ATP9B: variants seen among roughly 807,000 people sequenced by gnomAD.
ATP9B encodes the protein ATPase phospholipid transporting 9B, also known as probable phospholipid-transporting ATPase IIB.
Under a neutral mutation model 146.1 loss-of-function variants are expected in ATP9B, and 110 were observed. The observed-to-expected ratio is 0.75, with a 90% CI of 0.65 to 0.88. The LOEUF (loss-of-function observed/expected upper bound fraction) is 0.88. ATP9B is among the 40% of genes least tolerant of loss of function. The pLI is 0.00. For missense variants in ATP9B, 1,499 were observed against 1,496.4 expected (o/e 1.00, Z -0.03); for synonymous variants, 604 against 569.7 (o/e 1.06, Z -0.86).
At chr18:79,346,220 G>A (rs1159196986) in intron 23 of ATP9B, among the ~76,000 whole-genome samples, 3 of 144,986 alleles carry the variant, frequency 2.1e-5, no homozygotes, top group East Asian at 2.1e-4. Context: ...CTCGGTCAGC[G>A]CACGTCAGCA....
chr18:79,216,108 A>C (rs997016591), intron 11 of ATP9B, among the ~76,000 whole-genome samples: 1 of 152,218 alleles, frequency 6.6e-6, no homozygotes, highest in Non-Finnish European at 1.5e-5. Context: ...TAAAATCTTT[A>C]AAGCTACACT....
At chr18:79,219,555 CAT>C (rs974828441) in intron 11 of ATP9B, among the ~76,000 whole-genome samples, 7 of 151,736 alleles carry the variant, frequency 4.6e-5, no homozygotes, top group Non-Finnish European at 8.8e-5. Context: ...AAAAGAAAAT[CAT>C]ATAGAATTAC....
At chr18:79,180,981 T>G (rs889185175) in intron 8 of ATP9B, among the ~76,000 whole-genome samples, 7 of 151,600 alleles carry the variant, frequency 4.6e-5, no homozygotes, top group Non-Finnish European at 4.4e-5. Context: ...TTTTGTTTTT[T>G]TTTTTTTTAA....
At chr18:79,096,705 A>G (rs2074812622) in intron 2 of ATP9B, 56 bp downstream of exon 2, 7 of 1,385,288 alleles carry the variant, frequency 5.1e-6, no homozygotes, top group Non-Finnish European at 6.9e-6. Flanking sequence ...TTATAAGGTT[A>G]GCTTCTAATA....
intron 8 of ATP9B, among the ~76,000 whole-genome samples, chr18:79,190,251 CTA>C (rs1422209870): frequency 6.6e-6 from 1 of 151,950 alleles, no homozygotes; most frequent in African/African-American, 2.4e-5. Flanking sequence ...ATATAATAGA[CTA>C]TGTCTACATA....
At chr18:79,366,627 C>T (rs144533807) in intron 26 of ATP9B, among the ~76,000 whole-genome samples, 136 of 152,310 alleles carry the variant, frequency 8.9e-4, no homozygotes, top group African/African-American at 2.8e-3. Flanking sequence ...GAAATAAACA[C>T]GGACATGTGT....
intron 1 of ATP9B, chr18:79,086,367 C>G (rs1488253116): frequency 8.1e-6 from 1 of 123,022 alleles, no homozygotes; most frequent in Non-Finnish European, 1.6e-5. Flanking sequence ...ACTTGGGAGG[C>G]AGAGGTTGCA....
chr18:79,204,780 C>G (rs1294858081), intron 9 of ATP9B, among the ~76,000 whole-genome samples: 1 of 152,226 alleles, frequency 6.6e-6, no homozygotes, highest in Admixed American at 6.5e-5. Flanking sequence ...TCCTTAAGAC[C>G]ATTGACATCA....
intron 1 of ATP9B, among the ~76,000 whole-genome samples, chr18:79,073,423 C>T (rs549729778): frequency 8.5e-5 from 13 of 152,300 alleles, no homozygotes; most frequent in African/African-American, 2.6e-4. Context: ...AGTCAGGAGC[C>T]GGAGACCAGC....
chr18:79,303,113 C>T lies in ATP9B; in HGVS notation c.1412-491C>T, dbSNP rs114006162. The stretch of plus-strand genomic sequence containing the variant: ...TAGAGGCTGCGTGTGCAGTGGCTCA[C>T]GTCTATAATCAGAACACTTTAGGAG... On this transcript the variant is annotated intron_variant, in intron 13 of 29. Transcript: ENST00000426216. Among the ~76,000 whole-genome samples the T allele has an allele frequency of 6.6e-3, 1,006 of 152,296 alleles. 6 individuals carry two copies. The highest frequency in any genetic ancestry group is 0.023 in the African/African-American group (938 of 41,554).
chr18:79,072,214 G>A (rs2071938423), intron 1 of ATP9B, among the ~76,000 whole-genome samples: 1 of 151,428 alleles, frequency 6.6e-6, no homozygotes. Flanking sequence ...GATTTGGCAG[G>A]GTCATAGGAC....
intron 13 of ATP9B, among the ~76,000 whole-genome samples, chr18:79,293,450 C>T (rs2096526010): frequency 1.3e-5 from 2 of 152,008 alleles, no homozygotes; most frequent in Admixed American, 1.3e-4. Context: ...AGTGGATTTT[C>T]ATGGAGTGTT....
chr18:79,169,740 A>C (rs374144800), intron 7 of ATP9B, among the ~76,000 whole-genome samples: 3 of 152,188 alleles, frequency 2.0e-5, no homozygotes, highest in African/African-American at 7.2e-5. Flanking sequence ...GATCTTTATC[A>C]GACTTTATTA....
chr18:79,137,805 A>C (rs2094466037), intron 5 of ATP9B, among the ~76,000 whole-genome samples: 1 of 152,072 alleles, frequency 6.6e-6, no homozygotes, highest in Non-Finnish European at 1.5e-5. Flanking sequence ...ACAGTCACAG[A>C]TGCCCACCTT....
chr18:79,273,143 A>G (rs550390485), intron 12 of ATP9B, among the ~76,000 whole-genome samples: 2 of 152,278 alleles, frequency 1.3e-5, no homozygotes, highest in Admixed American at 1.3e-4. Context: ...TTTGGCCCAT[A>G]AGGGGAGGAA....
In ATP9B at chr18:79,321,541, TC is replaced by T. The variant is rs763299549; in HGVS notation, c.1774-7598del. 6.8e-4 allele frequency among the ~76,000 whole-genome samples: 104 copies of T among 152,144 alleles called. 1 individual carries two copies. The highest frequency in any genetic ancestry group is 1.3e-4 in the Non-Finnish European group (9 of 68,022). On this transcript the variant is annotated intron_variant, in intron 15 of 29. Coordinates refer to ENST00000426216, the MANE Select transcript of ATP9B (RefSeq NM_198531.5). ...GGGATTACAGGCATGTGCCCACCAC[TC>T]CTGGCTATGTTTAATTTTATATTAT...
At chr18:79,138,904 CA>C (rs1175425074) in intron 5 of ATP9B, among the ~76,000 whole-genome samples, 1 of 151,756 alleles carries the variant, frequency 6.6e-6, no homozygotes, top group African/African-American at 2.4e-5. Context: ...CTCATCTCTA[CA>C]AAAAATACAA....
intron 8 of ATP9B, among the ~76,000 whole-genome samples, chr18:79,188,695 T>C (rs2095332248): frequency 6.6e-6 from 1 of 152,214 alleles, no homozygotes; most frequent in Admixed American, 6.5e-5. Flanking sequence ...GCTTATCAAA[T>C]TGTGCTTTTT....
chr18:79,226,703 G>A, intron 11 of ATP9B, among the ~76,000 whole-genome samples: 1 of 152,216 alleles, frequency 6.6e-6, no homozygotes, highest in Admixed American at 6.5e-5. Flanking sequence ...GAAGCCAGGA[G>A]GATCTGAAGA....
Sources: allele counts gnomAD v4.1 joint callset (sites outside exome capture counted in the v4.1 genomes callset), GRCh38; gene constraint gnomAD v4.1.1; transcripts MANE v1.5; gene names NCBI Gene and HGNC (gene_info 2026-07-23, HGNC 2026-07-21).